Variants in UNC5D observed in about 807,000 individuals in gnomAD.
UNC5D encodes the protein netrin receptor UNC5D.
UNC5D carries 39 observed loss-of-function variants against 105.4 expected under a neutral mutation model. The ratio of observed to expected loss-of-function variants is 0.37; its 90% CI spans 0.29 to 0.48. UNC5D has a LOEUF of 0.48. Ranked by LOEUF, UNC5D falls within the 20% of genes least tolerant of loss-of-function variation. The pLI, the probability that UNC5D is intolerant of heterozygous loss-of-function variation, is 0.98. For synonymous variants in UNC5D, 452 were observed against 450.4 expected, an observed-to-expected ratio of 1.00 and a Z score of -0.04; for missense variants, 991 against 1,202.4, an observed-to-expected ratio of 0.82 and a Z score of 2.60.
chr8:35,311,312 T>C (rs916268276), intron 1 of UNC5D, among the ~76,000 whole-genome samples: 1 of 152,124 alleles, frequency 6.6e-6, no homozygotes, highest in East Asian at 1.9e-4. Flanking sequence ...GTCTGGACCA[T>C]GGAAGATGTT....
chr8:35,549,336 C>T lies in UNC5D; in HGVS notation c.148C>T (p.Pro50Ser), dbSNP rs752668167. ...EALPESIPSA[P>S]GTLPHFIEEP... ...CCTTCCCGAATCCATCCCATCAGCT[C>T]CTGGGACACTGCCTCATTTCATAGA... Residue 50 changes from proline (P) to serine (S), a missense_variant, in exon 2 of 17, where the codon CCT (proline) becomes TCT (serine). Pro to Ser is a moderately conservative substitution (Grantham distance 74). Transcript: ENST00000404895. The T allele has an allele frequency of 5.6e-6, 9 of 1,613,486 alleles. No homozygotes were observed. Among genetic ancestry groups the T allele is most frequent in the South Asian group, 4.4e-5 (4 of 91,044 alleles).
intron 10 of UNC5D, among the ~76,000 whole-genome samples, chr8:35,728,455 G>T (rs1158655163): frequency 6.6e-6 from 1 of 152,150 alleles, no homozygotes; most frequent in Admixed American, 6.5e-5. Flanking sequence ...AGTTCTGACA[G>T]CATTGTCAGT....
intron 1 of UNC5D, among the ~76,000 whole-genome samples, chr8:35,242,510 G>T (rs916934213): frequency 6.6e-6 from 1 of 152,090 alleles, no homozygotes; most frequent in South Asian, 2.1e-4. Context: ...ATGGGATCTC[G>T]CTCTGTCACC....
chr8:35,563,430 C>CT (rs1019510239), intron 2 of UNC5D, among the ~76,000 whole-genome samples: 2 of 151,642 alleles, frequency 1.3e-5, no homozygotes, highest in African/African-American at 4.8e-5. Flanking sequence ...TTATTCATCA[C>CT]TAACATATTT....
intron 4 of UNC5D, among the ~76,000 whole-genome samples, chr8:35,626,408 C>G (rs1441088427): frequency 6.6e-6 from 1 of 151,974 alleles, no homozygotes; most frequent in Non-Finnish European, 1.5e-5. Flanking sequence ...ATGCAGCCTC[C>G]CTTTGGAATT....
intron 1 of UNC5D, among the ~76,000 whole-genome samples, chr8:35,392,605 C>A (rs1803844862): frequency 1.3e-5 from 2 of 152,178 alleles, no homozygotes; most frequent in African/African-American, 2.4e-5. Flanking sequence ...GTTTAAGGAA[C>A]CTTGTGATTA....
intron 13 of UNC5D, among the ~76,000 whole-genome samples, chr8:35,751,758 A>G (rs752701756): frequency 5.9e-5 from 9 of 152,324 alleles, no homozygotes; most frequent in Middle Eastern, 3.4e-3. Flanking sequence ...AGAAGGGCTA[A>G]ACTAACGCAT....
chr8:35,759,391 G>T lies in UNC5D; in HGVS notation c.2235G>T (p.Gly745=). ...LEEPKLLHFK[G]NTFSLQISVL... ...AACCAAAATTGCTGCATTTCAAAGG[G>T]AATACCTTTAGTCTTCAGATTTCTG... Residue 745 remains glycine, a synonymous_variant, in exon 14 of 17, where the codon GGG becomes GGT. Transcript: ENST00000404895. 6.2e-7 allele frequency: 1 copy of T among 1,614,072 alleles called. No homozygotes were observed. Among genetic ancestry groups the T allele is most frequent in the Non-Finnish European group, 8.5e-7 (1 of 1,179,968 alleles).
At chr8:35,574,909 A>G (rs1357114469) in intron 3 of UNC5D, among the ~76,000 whole-genome samples, 3 of 151,780 alleles carry the variant, frequency 2.0e-5, no homozygotes, top group South Asian at 4.1e-4. Context: ...TCTGTGGCCC[A>G]TCTCACACTC....
intron 1 of UNC5D, among the ~76,000 whole-genome samples, chr8:35,409,913 TA>T (rs1424898810): frequency 7.1e-6 from 1 of 140,908 alleles, no homozygotes; most frequent in African/African-American, 2.7e-5. Context: ...AATTATGATT[TA>T]AGAATCTTAG....
At chr8:35,355,933 G>A (rs745333030) in intron 1 of UNC5D, among the ~76,000 whole-genome samples, 3 of 152,074 alleles carry the variant, frequency 2.0e-5, no homozygotes, top group Non-Finnish European at 4.4e-5. Flanking sequence ...TAAACCTGGG[G>A]AGTCTTGATC....
At chr8:35,282,174 A>G (rs1171295672) in intron 1 of UNC5D, among the ~76,000 whole-genome samples, 1 of 152,176 alleles carries the variant, frequency 6.6e-6, no homozygotes, top group African/African-American at 2.4e-5. Context: ...TGCCTCATGA[A>G]ACAGCAGCCA....
rs186949955 is a variant in UNC5D, at chr8:35,503,846, G to A, written c.104-45446G>A. 1.3e-3 allele frequency among the ~76,000 whole-genome samples: 192 copies of A among 152,192 alleles called. No homozygotes were observed. In the Middle Eastern group the frequency reaches 0.024, roughly 19 times the overall value. ...CTTAACATCTAAAGAAAGAGAATGG[G>A]ACAGTCAAAAAGAACATTAATTATA... On this transcript the variant is annotated intron_variant, in intron 1 of 16. Coordinates refer to ENST00000404895, the MANE Select transcript of UNC5D (RefSeq NM_080872.4).
At chr8:35,566,451 A>G (rs1184140344) in intron 2 of UNC5D, among the ~76,000 whole-genome samples, 1 of 152,192 alleles carries the variant, frequency 6.6e-6, no homozygotes, top group Non-Finnish European at 1.5e-5. Context: ...TTAAAGGAAA[A>G]AGCATAGTTA....
intron 1 of UNC5D, among the ~76,000 whole-genome samples, chr8:35,359,456 A>T (rs1801738524): frequency 6.6e-6 from 1 of 152,172 alleles, no homozygotes; most frequent in South Asian, 2.1e-4. Context: ...CAATGTTATC[A>T]AAGTTTCTGT....
chr8:35,560,541 T>A (rs1302060017), intron 2 of UNC5D, among the ~76,000 whole-genome samples: 1 of 152,234 alleles, frequency 6.6e-6, no homozygotes, highest in Non-Finnish European at 1.5e-5. Flanking sequence ...TGAGAAAGAA[T>A]GTATTTAAAA....
chr8:35,249,156 A>G (rs1380846765), intron 1 of UNC5D, among the ~76,000 whole-genome samples: 1 of 139,486 alleles, frequency 7.2e-6, no homozygotes, highest in Non-Finnish European at 1.5e-5. Context: ...AAATCTACAT[A>G]AAATATATAT....
intron 1 of UNC5D, among the ~76,000 whole-genome samples, chr8:35,471,395 A>G (rs1809712106): frequency 1.3e-5 from 2 of 152,204 alleles, no homozygotes; most frequent in Non-Finnish European, 2.9e-5. Flanking sequence ...AAGACACTGC[A>G]TGAAGCTAGC....
At chr8:35,688,048 C>G (rs971584278) in intron 7 of UNC5D, among the ~76,000 whole-genome samples, 1 of 151,898 alleles carries the variant, frequency 6.6e-6, no homozygotes, top group African/African-American at 2.4e-5. Context: ...AAGAGAATGG[C>G]GTGAACCCGG....
Sources: allele counts gnomAD v4.1 joint callset (sites outside exome capture counted in the v4.1 genomes callset), GRCh38; gene constraint gnomAD v4.1.1; transcripts MANE v1.5; gene names NCBI Gene and HGNC (gene_info 2026-07-23, HGNC 2026-07-21).